CLCN3: variants seen among roughly 807,000 people sequenced by gnomAD.
CLCN3 encodes H(+)/Cl(-) exchange transporter 3.
Under a neutral mutation model 83.4 loss-of-function variants are expected in CLCN3, and 16 were observed. The ratio of observed to expected loss-of-function variants is 0.19; its 90% CI spans 0.13 to 0.29. CLCN3 has a LOEUF of 0.29. CLCN3 is among the 10% of genes least tolerant of loss of function. CLCN3 has a pLI of 1.00. For missense variants in CLCN3, 544 were observed against 1,006.0 expected (o/e 0.54, Z 6.21); for synonymous variants, 322 against 346.2 (o/e 0.93, Z 0.78).
At chr4:169,622,228 C>T (rs1028717710) in intron 1 of CLCN3, among the ~76,000 whole-genome samples, 1 of 152,214 alleles carries the variant, frequency 6.6e-6, no homozygotes, top group Non-Finnish European at 1.5e-5. Flanking sequence ...TATGTGTTAT[C>T]AGTCATACAT....
chr4:169,684,045 C>T (rs1333091890), intron 3 of CLCN3, among the ~76,000 whole-genome samples: 1 of 152,190 alleles, frequency 6.6e-6, no homozygotes, highest in African/African-American at 2.4e-5. Flanking sequence ...GCCCGGCCTA[C>T]ATTAAATTTT....
At chr4:169,654,516 ATT>A (rs1730826353) in intron 2 of CLCN3, among the ~76,000 whole-genome samples, 1 of 151,248 alleles carries the variant, frequency 6.6e-6, no homozygotes, top group Non-Finnish European at 1.5e-5. Context: ...AAAGCTATAA[ATT>A]TTTTTTCAGA....
intron 2 of CLCN3, among the ~76,000 whole-genome samples, chr4:169,657,694 C>T (rs910421724): frequency 1.3e-5 from 2 of 152,060 alleles, no homozygotes; most frequent in Non-Finnish European, 2.9e-5. Flanking sequence ...GTGGAGGGTG[C>T]GTTCGAAAGT....
At chr4:169,719,765 C>A in intron 12 of CLCN3, 142 bp from the exon 13 acceptor site, 1 of 595,422 alleles carries the variant, frequency 1.7e-6, no homozygotes, top group Non-Finnish European at 2.9e-6. Flanking sequence ...ATATCTTTAC[C>A]AATAAAGTAC....
intron 1 of CLCN3, among the ~76,000 whole-genome samples, chr4:169,621,413 T>C (rs1341728250): frequency 6.6e-6 from 1 of 152,236 alleles, no homozygotes; most frequent in East Asian, 1.9e-4. Context: ...TATATATGTA[T>C]GTAAAATATT....
intron 3 of CLCN3, among the ~76,000 whole-genome samples, chr4:169,685,715 A>G (rs1414260231): frequency 2.0e-5 from 3 of 152,210 alleles, no homozygotes; most frequent in South Asian, 2.1e-4. Flanking sequence ...GTGACTGACT[A>G]TGATGCTGTG....
intron 12 of CLCN3, 21 bp downstream of exon 12, chr4:169,713,316 A>T: frequency 6.4e-7 from 1 of 1,557,060 alleles, no homozygotes; most frequent in Non-Finnish European, 8.9e-7. Flanking sequence ...TACCACAGGA[A>T]TCAGTTCACT....
chr4:169,647,217 C>T (rs1385165235), intron 2 of CLCN3, among the ~76,000 whole-genome samples: 1 of 152,102 alleles, frequency 6.6e-6, no homozygotes, highest in Non-Finnish European at 1.5e-5. Flanking sequence ...TGGCGAAACC[C>T]TGTCTCTACA....
intron 12 of CLCN3, among the ~76,000 whole-genome samples, chr4:169,719,553 A>G (rs771872226): frequency 6.6e-5 from 10 of 152,276 alleles, no homozygotes; most frequent in Non-Finnish European, 1.5e-4. Flanking sequence ...ATGGAAATCA[A>G]TTTTCCTTCT....
At chr4:169,695,479 T>A (rs1732530833) in intron 7 of CLCN3, 133 bp from the exon 8 acceptor site, 1 of 684,036 alleles carries the variant, frequency 1.5e-6, no homozygotes, top group Admixed American at 2.7e-5. Context: ...AGTTACCCTT[T>A]GCTTAGGGAG....
At chr4:169,690,249 G>A (rs535467251) in intron 5 of CLCN3, among the ~76,000 whole-genome samples, 4 of 149,664 alleles carry the variant, frequency 2.7e-5, no homozygotes, top group African/African-American at 4.9e-5. Flanking sequence ...GGGTTTAAGC[G>A]ATTCTTCTAC....
At chr4:169,661,448 A>G (rs1013713407) in intron 2 of CLCN3, among the ~76,000 whole-genome samples, 4 of 152,110 alleles carry the variant, frequency 2.6e-5, no homozygotes, top group Admixed American at 2.6e-4. Context: ...TGTTCTGATA[A>G]CACTTTTTTT....
chr4:169,636,772 CA>C (rs1773515560), intron 2 of CLCN3, among the ~76,000 whole-genome samples: 1 of 139,668 alleles, frequency 7.2e-6, no homozygotes, highest in African/African-American at 2.8e-5. Flanking sequence ...CTATTGCTAA[CA>C]GTGCCACTAT....
At position 169,691,360 on chromosome 4, in the gene CLCN3, G is replaced by T. The variant is rs542214004; in HGVS notation, c.729+708G>T. Among the ~76,000 whole-genome samples, 4 of 151,964 alleles carry T rather than the reference G, an allele frequency of 2.6e-5. No individual in the cohort carries two copies. The South Asian group carries it at 8.3e-4, about 31-fold the overall frequency. On this transcript the variant is annotated intron_variant, in intron 6 of 12. Transcript: ENST00000513761. ...CATTCACTTTTTATAATTACCTTTT[G>T]ATTAGATAAGTTAATTATTCTTGAA...
chr4:169,713,289 A>C lies in CLCN3; in HGVS notation c.2360A>C (p.His787Pro). The C allele has an allele frequency of 6.2e-7, 1 of 1,610,220 alleles. No homozygotes were observed. The highest frequency in any genetic ancestry group is 8.5e-7 in the Non-Finnish European group (1 of 1,176,442). ...GGACTGAGGCAGTGCCTTGTAACTCACAATGGGTAAGTCTGGTACCACAGG... is the reference window on the plus strand; with the variant it reads ...GGACTGAGGCAGTGCCTTGTAACTCCCAATGGGTAAGTCTGGTACCACAGG... ...KLGLRQCLVT[H>P]NGRLLGIITK... is the part of the protein sequence containing the mutation. The change falls in exon 12 of 13, where the codon CAC becomes CCC. Residue 787 changes from histidine to proline, a missense_variant. His to Pro is a moderately conservative substitution (Grantham distance 77). Around this residue, in one of 6 missense-constraint regions of CLCN3, gnomAD observed 142 missense variants for 225.0 expected, o/e 0.63. Coordinates refer to ENST00000513761, the MANE Select transcript of CLCN3 (RefSeq NM_001829.4).
Position 169,635,990 on chromosome 4 carries a change from G to T in CLCN3, c.62G>T (p.Ser21Ile). 6.2e-7 allele frequency: 1 copy of T among 1,613,408 alleles called. No homozygotes were observed. ...YYRNSYNSITSASSDEELLDG... is the reference protein window; with the variant it reads ...YYRNSYNSITIASSDEELLDG... ...AGAAACAGCTACAACAGTATAACAA[G>T]TGCAAGTAGTGATGAGGAACTTTTA... The change falls in exon 2 of 13, where the codon AGT becomes ATT. Residue 21 changes from serine (S) to isoleucine (I), a missense_variant. By Grantham distance (142) the Ser-to-Ile change is moderately radical. Transcript: ENST00000513761.
At position 169,626,312 on chromosome 4, in the gene CLCN3, A is replaced by G. The variant is rs182128172; in HGVS notation, c.-17+5249A>G. Among the ~76,000 whole-genome samples, 362 of 152,320 alleles carry G rather than the reference A, an allele frequency of 2.4e-3. 3 individuals carry two copies. In the Middle Eastern group the frequency reaches 0.024, roughly 10 times the overall value. On this transcript the variant is annotated intron_variant, in intron 1 of 12. Transcript: ENST00000513761. ...GTGCGCCACCTTCCAGGAGCCTCCA[A>G]TGTTCAGCTATCCAGAAGCTCTCTG...
At chr4:169,649,089 T>A (rs1192410851) in intron 2 of CLCN3, among the ~76,000 whole-genome samples, 1 of 151,250 alleles carries the variant, frequency 6.6e-6, no homozygotes, top group Non-Finnish European at 1.5e-5. Flanking sequence ...GAATATGTAT[T>A]ATTTAAGATG....
chr4:169,674,428 A>G (rs567975622), intron 2 of CLCN3, among the ~76,000 whole-genome samples: 2 of 152,332 alleles, frequency 1.3e-5, no homozygotes, highest in African/African-American at 4.8e-5. Flanking sequence ...ATATGTCAAG[A>G]TATTATAAGT....
Sources: gnomAD v4.1 joint callset for allele counts (sites outside exome capture counted in the v4.1 genomes callset) on GRCh38, gnomAD v4.1.1 for gene constraint, gnomAD v4.1.1 regional missense constraint, MANE v1.5 for transcripts, NCBI Gene and HGNC (gene_info 2026-07-23, HGNC 2026-07-21) for gene names.